Variants in ZC2HC1B observed in about 807,000 individuals in gnomAD.
ZC2HC1B encodes zinc finger C2HC domain-containing protein 1B.
ZC2HC1B carries 36 observed loss-of-function variants against 31.0 expected under a neutral mutation model. The observed-to-expected ratio is 1.16, with a 90% CI of 0.89 to 1.54. The LOEUF (loss-of-function observed/expected upper bound fraction) is 1.54, where lower values mean the gene tolerates loss of function less well. Ranked by LOEUF, ZC2HC1B falls within the 40% of genes most tolerant of loss-of-function variation. The pLI is 0.00. For synonymous variants in ZC2HC1B, 73 were observed against 88.0 expected (o/e 0.83, Z 0.95); for missense variants, 260 against 268.6 (o/e 0.97, Z 0.22).
At position 143,930,449 on chromosome 6, in the gene ZC2HC1B, C is replaced by T. The variant is rs111903316; in HGVS notation, c.599-7200C>T. Among the ~76,000 whole-genome samples the T allele has an allele frequency of 5.8e-3, 822 of 142,886 alleles. 1 individual carries two copies. Among genetic ancestry groups the T allele is most frequent in the African/African-American group, 8.3e-3 (315 of 38,116 alleles). The allele number at this position is 142,886 out of a possible 152,430, so 93.7% of individuals were successfully genotyped here. ...TCGCCCAGGCTGGAGTGCATTGGTG[C>T]GATCTCAGCTCACTGCAAGCTCCGC... On this transcript the variant is annotated intron_variant, in intron 6 of 7. Coordinates refer to ENST00000237275, the MANE Select transcript of ZC2HC1B (RefSeq NM_001013623.3).
At chr6:143,866,040 C>T (rs1777256779) in intron 1 of ZC2HC1B, among the ~76,000 whole-genome samples, 2 of 152,176 alleles carry the variant, frequency 1.3e-5, no homozygotes, top group African/African-American at 4.8e-5. Context: ...GGTCTCAAAA[C>T]TCTTGACCTT....
In ZC2HC1B at chr6:143,908,158, A is replaced by G. The variant is rs907195946; in HGVS notation, c.598+5006A>G. Among the ~76,000 whole-genome samples the G allele has an allele frequency of 6.6e-6, 1 of 152,060 alleles. No individual in the cohort carries two copies. The highest frequency in any genetic ancestry group is 2.4e-5 in the African/African-American group (1 of 41,392). ...CTCTGAGTCTTTTTGTACTAGTGTA[A>G]TGCTGTTTTGGTTACTGTAGCCTTG... On this transcript the variant is annotated intron_variant, in intron 6 of 7. Transcript: ENST00000237275. The surrounding 1 kb of genome is among the most constrained non-coding windows in gnomAD (Gnocchi z 4.4).
At chr6:143,916,582 T>C (rs1562346185) in intron 6 of ZC2HC1B, among the ~76,000 whole-genome samples, 1 of 152,238 alleles carries the variant, frequency 6.6e-6, no homozygotes, top group Non-Finnish European at 1.5e-5. Flanking sequence ...CAGGAGGGGC[T>C]GTATCCTACA....
Position 143,877,272 on chromosome 6 carries a change from C to CTTTTTTTTTTTT in ZC2HC1B, c.29-7016_29-7005dup, listed in dbSNP as rs34994479. 2.6e-4 allele frequency among the ~76,000 whole-genome samples: 11 copies of CTTTTTTTTTTTT among 42,598 alleles called. 2 individuals are homozygous for CTTTTTTTTTTTT. Among genetic ancestry groups the CTTTTTTTTTTTT allele is most frequent in the African/African-American group, 9.6e-4 (8 of 8,322 alleles). The allele number at this position is 42,598 out of a possible 152,430, so 27.9% of individuals were successfully genotyped here. ...TTTCTCCTAAAGATTTTTTTAATTT[C>CTTTTTTTTTTTT]TTTTTTTTTTTTTTTTTTTTTTTTT... On this transcript the variant is annotated intron_variant, in intron 1 of 7. Coordinates refer to ENST00000237275, the MANE Select transcript of ZC2HC1B (RefSeq NM_001013623.3).
At position 143,917,714 on chromosome 6, in the gene ZC2HC1B, T is replaced by C. The variant is rs1777934965; in HGVS notation, c.598+14562T>C. On this transcript the variant is annotated intron_variant, in intron 6 of 7. Transcript: ENST00000237275. The surrounding 1 kb of genome is among the most constrained non-coding windows in gnomAD (Gnocchi z 4.1). ...ATTAGTGATGTTCAACCAGTAAGTA[T>C]AATGCAAATATTCCAAAATTTAAAA... Among the ~76,000 whole-genome samples the C allele has an allele frequency of 6.6e-6, 1 of 152,204 alleles. No homozygotes were observed. Among genetic ancestry groups the C allele is most frequent in the African/African-American group, 2.4e-5 (1 of 41,448 alleles).
chr6:143,891,350 C>T (rs1052372655), intron 4 of ZC2HC1B, among the ~76,000 whole-genome samples: 3 of 151,914 alleles, frequency 2.0e-5, no homozygotes, highest in Non-Finnish European at 1.5e-5. Flanking sequence ...CCAAATTAAC[C>T]TATGGATTCA....
rs1380216755 is a variant in ZC2HC1B, at chr6:143,923,833, CT to C, written c.599-13815del. 2.0e-5 allele frequency among the ~76,000 whole-genome samples: 3 copies of C among 151,942 alleles called. No homozygotes were observed. The highest frequency in any genetic ancestry group is 4.4e-5 in the Non-Finnish European group (3 of 67,950). On this transcript the variant is annotated intron_variant, in intron 6 of 7. Transcript: ENST00000237275. The surrounding 1 kb of genome is among the most constrained non-coding windows in gnomAD (Gnocchi z 4.8). ...TGTCTGTTTTTATACCAATATCTTG[CT>C]GTTTTAGTTACTACAGCTTTTTAAT...
At position 143,903,166 on chromosome 6, in the gene ZC2HC1B, C is replaced by A; in HGVS notation, c.598+14C>A. 6.5e-7 allele frequency: 1 copy of A among 1,548,526 alleles called. No homozygotes were observed. The highest frequency in any genetic ancestry group is 2.4e-5 in the East Asian group (1 of 40,908). ...CAACCAAGTCAGGTGAGTCAAAGCA[C>A]GCATTTCATCTCTCAAATGATGGGG... On this transcript the variant is annotated intron_variant, in intron 6 of 7. Coordinates refer to ENST00000237275, the MANE Select transcript of ZC2HC1B (RefSeq NM_001013623.3). The surrounding 1 kb of genome is among the most constrained non-coding windows in gnomAD (Gnocchi z 4.3).
At chr6:143,916,946 G>A (rs894410519) in intron 6 of ZC2HC1B, among the ~76,000 whole-genome samples, 2 of 152,186 alleles carry the variant, frequency 1.3e-5, no homozygotes, top group African/African-American at 4.8e-5. Flanking sequence ...GGACTGTTGG[G>A]AAGGCATGAT....
chr6:143,913,454 G>A lies in ZC2HC1B; in HGVS notation c.598+10302G>A, dbSNP rs1777883997. 6.6e-6 allele frequency among the ~76,000 whole-genome samples: 1 copy of A among 152,236 alleles called. No homozygotes were observed. The highest frequency in any genetic ancestry group is 1.5e-5 in the Non-Finnish European group (1 of 68,042). On this transcript the variant is annotated intron_variant, in intron 6 of 7. Coordinates refer to ENST00000237275, the MANE Select transcript of ZC2HC1B (RefSeq NM_001013623.3). This position sits in a 1 kb window ranked among gnomAD's most constrained non-coding sequence, Gnocchi z 5.7. ...TGCTGATGGCTTACTGGAATTCCAA[G>A]ACAGTGGGTCTTATCTTGTCAGGTG...
rs6934118 is a variant in ZC2HC1B at position 143,864,555 on chromosome 6, C to A, written c.16C>A (p.Pro6Thr). ...TAGGAACAGAATGGCTGGGGCAGAA[C>A]CATTTTTGGCAGGTGAGCTGCACTT... is the stretch of plus-strand genomic sequence containing the variant. MAGAE[P>T]FLADGNQELF... Residue 6 changes from proline to threonine, a missense_variant, in exon 1 of 8, where the codon CCA (proline) becomes ACA (threonine). Pro to Thr is a conservative substitution (Grantham distance 38). Coordinates refer to ENST00000237275, the MANE Select transcript of ZC2HC1B (RefSeq NM_001013623.3). The A allele has an allele frequency of 5.2e-6, 8 of 1,551,514 alleles. No individual in the cohort carries two copies.
chr6:143,908,935 T>C lies in ZC2HC1B; in HGVS notation c.598+5783T>C, dbSNP rs1262396053. Among the ~76,000 whole-genome samples, 1 of 152,194 alleles carries C rather than the reference T, an allele frequency of 6.6e-6. No homozygotes were observed. The highest frequency in any genetic ancestry group is 2.4e-5 in the African/African-American group (1 of 41,446). On this transcript the variant is annotated intron_variant, in intron 6 of 7. Transcript: ENST00000237275. This position sits in a 1 kb window ranked among gnomAD's most constrained non-coding sequence, Gnocchi z 4.4. ...GGTTTGTCATATGTGACACTTATTA[T>C]TTTGAAGTGTGTTCCTTTAATACCT...
rs1777544686 is a variant in ZC2HC1B, at chr6:143,887,489, A to G, written c.349+668A>G. 6.6e-6 allele frequency among the ~76,000 whole-genome samples: 1 copy of G among 152,136 alleles called. No individual in the cohort carries two copies. The highest frequency in any genetic ancestry group is 1.5e-5 in the Non-Finnish European group (1 of 68,022). ...TCACAATACTATTATCACACTTGAT[A>G]TATATTAATATGTTTTCCCAATTAG... On this transcript the variant is annotated intron_variant, in intron 4 of 7. Coordinates refer to ENST00000237275, the MANE Select transcript of ZC2HC1B (RefSeq NM_001013623.3). The surrounding 1 kb of genome is among the most constrained non-coding windows in gnomAD (Gnocchi z 5.1).
At chr6:143,890,084 G>T (rs1246777096) in intron 4 of ZC2HC1B, among the ~76,000 whole-genome samples, 2 of 152,136 alleles carry the variant, frequency 1.3e-5, no homozygotes, top group Admixed American at 1.3e-4. Flanking sequence ...AATCACAAGA[G>T]AAATTAGAAA....
At chr6:143,882,076 C>CG (rs1777474455) in intron 1 of ZC2HC1B, among the ~76,000 whole-genome samples, 1 of 151,836 alleles carries the variant, frequency 6.6e-6, no homozygotes, top group Non-Finnish European at 1.5e-5. Flanking sequence ...TACCTGCAGT[C>CG]TTAGAGAAGT....
chr6:143,917,525 A>G lies in ZC2HC1B; in HGVS notation c.598+14373A>G, dbSNP rs1777933347. On this transcript the variant is annotated intron_variant, in intron 6 of 7. Transcript: ENST00000237275. This position sits in a 1 kb window ranked among gnomAD's most constrained non-coding sequence, Gnocchi z 4.1. ...TTCCAGCTTATCTTCATAACATACA[A>G]TAACTGCTCCTTCAGCAATGTCTTT... Among the ~76,000 whole-genome samples, 1 of 152,200 alleles carries G rather than the reference A, an allele frequency of 6.6e-6. No individual in the cohort carries two copies.
At position 143,918,632 on chromosome 6, in the gene ZC2HC1B, A is replaced by G. The variant is rs1777947859; in HGVS notation, c.598+15480A>G. On this transcript the variant is annotated intron_variant, in intron 6 of 7. Transcript: ENST00000237275. The surrounding 1 kb of genome is among the most constrained non-coding windows in gnomAD (Gnocchi z 4.1). ...TAAATCTGGCAAGTTTTCAGCCATT[A>G]TTTCTCTCTGCTCTTTTCTCTCTCT... 6.6e-6 allele frequency among the ~76,000 whole-genome samples: 1 copy of G among 151,922 alleles called. No individual in the cohort carries two copies.
intron 6 of ZC2HC1B, 62 bp from the exon 7 acceptor site, chr6:143,937,587 G>T: frequency 7.3e-7 from 1 of 1,375,326 alleles, no homozygotes; most frequent in East Asian, 2.8e-5. Context: ...TCACAATCAT[G>T]TCTTTTTTTC....
Position 143,885,582 on chromosome 6 carries a change from A to G in ZC2HC1B, c.91-450A>G, listed in dbSNP as rs867552552. Among the ~76,000 whole-genome samples, 11 of 152,202 alleles carry G rather than the reference A, an allele frequency of 7.2e-5. No homozygotes were observed. The highest frequency in any genetic ancestry group is 4.6e-4 in the Admixed American group (7 of 15,286). ...GGGGTCTGACAAAGCTACTGTGTCAATGATGGTTATTATGTGTCACACATC... is the reference window on the plus strand; with the variant it reads ...GGGGTCTGACAAAGCTACTGTGTCAGTGATGGTTATTATGTGTCACACATC... On this transcript the variant is annotated intron_variant, in intron 2 of 7. Coordinates refer to ENST00000237275, the MANE Select transcript of ZC2HC1B (RefSeq NM_001013623.3). This position sits in a 1 kb window ranked among gnomAD's most constrained non-coding sequence, Gnocchi z 4.2.
Sources: gnomAD v4.1 joint callset for allele counts (sites outside exome capture counted in the v4.1 genomes callset) on GRCh38, gnomAD v4.1.1 for gene constraint, Gnocchi (gnomAD v3.1) non-coding constraint, MANE v1.5 for transcripts, NCBI Gene and HGNC (gene_info 2026-07-23, HGNC 2026-07-21) for gene names.